MYO5B: variants seen among roughly 807,000 people sequenced by gnomAD.
MYO5B encodes unconventional myosin-Vb.
In MYO5B, 143 loss-of-function variants were observed where a neutral mutation model predicts 229.3. That is an observed-to-expected ratio of 0.62 (90% CI 0.54 to 0.72). MYO5B has a LOEUF of 0.72. Among genes scored for constraint, MYO5B ranks in the 30% least tolerant of loss-of-function variants. The pLI is 0.00. For missense variants in MYO5B, 2,321 were observed against 2,331.0 expected (o/e 1.00, Z 0.09); for synonymous variants, 918 against 885.2 (o/e 1.04, Z -0.66).
chr18:50,010,730 G>C (rs552183747), intron 4 of MYO5B, among the ~76,000 whole-genome samples: 24 of 152,292 alleles, frequency 1.6e-4, no homozygotes, highest in African/African-American at 5.3e-4. Flanking sequence ...CATTAGCTAG[G>C]GGTGAACTAT....
rs527834992 is a variant in MYO5B at position 49,875,643 on chromosome 18, C to G, written c.3537+44G>C. The G allele has an allele frequency of 6.8e-6, 11 of 1,613,182 alleles. No individual in the cohort carries two copies. In the South Asian group the frequency reaches 1.1e-4, roughly 16 times the overall value. On this transcript the variant is annotated intron_variant, in intron 26 of 39. Coordinates refer to ENST00000285039, the MANE Select transcript of MYO5B (RefSeq NM_001080467.3). ...CCCTGGACACAAGAGCTAGATTGTTCTCTCATCCAAGCACCATAAGAGCAC... is the reference window on the plus strand; with the variant it reads ...CCCTGGACACAAGAGCTAGATTGTTGTCTCATCCAAGCACCATAAGAGCAC...
Position 49,901,658 on chromosome 18 carries a change from A to G in MYO5B, c.2811+936T>C, listed in dbSNP as rs1021366008. On this transcript the variant is annotated intron_variant, in intron 21 of 39. Transcript: ENST00000285039. ...AGTCACATCAGCCACTCAACTTTTA[A>G]GCAGAAGAACTGAATTCTGATTTCC... Among the ~76,000 whole-genome samples, 3 of 152,252 alleles carry G rather than the reference A, an allele frequency of 2.0e-5. No individual in the cohort carries two copies. In the South Asian group the frequency reaches 6.2e-4, roughly 32 times the overall value.
chr18:50,181,691 G>T (rs962888778), intron 1 of MYO5B, among the ~76,000 whole-genome samples: 1 of 152,170 alleles, frequency 6.6e-6, no homozygotes, highest in Non-Finnish European at 1.5e-5. Context: ...GACGGTGCAG[G>T]ATGTAGCATG....
chr18:50,031,157 A>C (rs1034400749), intron 4 of MYO5B, among the ~76,000 whole-genome samples: 25 of 152,148 alleles, frequency 1.6e-4, no homozygotes, highest in Non-Finnish European at 2.5e-4. Flanking sequence ...GCTCTGGGGC[A>C]AACAGATTGG....
At chr18:49,958,323 A>G (rs1027234386) in intron 12 of MYO5B, among the ~76,000 whole-genome samples, 2 of 152,216 alleles carry the variant, frequency 1.3e-5, no homozygotes, top group African/African-American at 4.8e-5. Context: ...CTTTAACCAC[A>G]GCCAAACAAT....
Position 50,055,337 on chromosome 18 carries a change from G to A in MYO5B, c.69C>T (p.Arg23=), listed in dbSNP as rs746872958. 1 of 1,612,918 alleles carries A rather than the reference G, an allele frequency of 6.2e-7. No individual in the cohort carries two copies. Among genetic ancestry groups the A allele is most frequent in the East Asian group, 2.2e-5 (1 of 44,818 alleles). Residue 23 remains arginine, a synonymous_variant, in exon 2 of 40, where the codon CGC becomes CGT. Transcript: ENST00000285039. ...TGTAGTCCTTGGTTAACTCAGCTGA[G>A]CGCCATACCTCATCAGGGTCAGGGA... ...VWIPDPDEVW[R]SAELTKDYKE...
chr18:49,926,717 C>T (rs985904208), intron 17 of MYO5B, among the ~76,000 whole-genome samples: 11 of 152,198 alleles, frequency 7.2e-5, no homozygotes, highest in African/African-American at 2.7e-4. Context: ...TATTTTTTAA[C>T]TCAAAGAAAC....
chr18:50,174,737 T>C (rs193089375), intron 1 of MYO5B, among the ~76,000 whole-genome samples: 30 of 152,316 alleles, frequency 2.0e-4, no homozygotes, highest in Admixed American at 1.6e-3. Context: ...GGTGTGGTAA[T>C]ATACAGGTAC....
Position 50,160,973 on chromosome 18 carries a change from C to T in MYO5B, c.27+33794G>A, listed in dbSNP as rs139362200. Among the ~76,000 whole-genome samples the T allele has an allele frequency of 2.7e-3, 411 of 152,258 alleles. 4 individuals carry two copies. Among genetic ancestry groups the T allele is most frequent in the Non-Finnish European group, 2.2e-3 (152 of 68,014 alleles). ...TCTCCCACGTTAATTTCCCAACTCC[C>T]GCCCTGTCCTGGGCTCTCAAGGCCA... On this transcript the variant is annotated intron_variant, in intron 1 of 39. Transcript: ENST00000285039.
chr18:49,971,142 T>C (rs1278997371), intron 10 of MYO5B, among the ~76,000 whole-genome samples: 2 of 152,186 alleles, frequency 1.3e-5, no homozygotes, highest in Non-Finnish European at 2.9e-5. Flanking sequence ...AAACAACGCT[T>C]GGGTTTTCTT....
rs2024146978 is a variant in MYO5B at position 49,847,618 on chromosome 18, G to A, written c.4316-329C>T. On this transcript the variant is annotated intron_variant, in intron 32 of 39. Coordinates refer to ENST00000285039, the MANE Select transcript of MYO5B (RefSeq NM_001080467.3). ...CAGAGAAAACTTGTGAAGGATGACA[G>A]CCAGCATGGTCTCTCACCGCTCCTG... Among the ~76,000 whole-genome samples, 3 of 152,372 alleles carry A rather than the reference G, an allele frequency of 2.0e-5. No homozygotes were observed. The South Asian group carries it at 6.2e-4, about 32-fold the overall frequency.
At position 50,167,684 on chromosome 18, in the gene MYO5B, C is replaced by A. The variant is rs551368600; in HGVS notation, c.27+27083G>T. On this transcript the variant is annotated intron_variant, in intron 1 of 39. Coordinates refer to ENST00000285039, the MANE Select transcript of MYO5B (RefSeq NM_001080467.3). ...ATCTGGTTTAAGGCCCATCTCCCTCCAAGAAGCCCTCTCCCCCTGCTTCCA... is the reference window on the plus strand; with the variant it reads ...ATCTGGTTTAAGGCCCATCTCCCTCAAAGAAGCCCTCTCCCCCTGCTTCCA... Among the ~76,000 whole-genome samples, 4 of 152,330 alleles carry A rather than the reference C, an allele frequency of 2.6e-5. No homozygotes were observed. The South Asian group carries it at 8.3e-4, about 32-fold the overall frequency.
chr18:49,953,370 C>A (rs2025450473), intron 13 of MYO5B, 27 bp from the exon 14 acceptor site: 1 of 1,603,190 alleles, frequency 6.2e-7, no homozygotes, highest in Non-Finnish European at 8.5e-7. Context: ...CAGAGAGAGA[C>A]ACAGTCGTTA....
chr18:50,156,563 C>A lies in MYO5B; in HGVS notation c.27+38204G>T, dbSNP rs186916908. 3.8e-4 allele frequency among the ~76,000 whole-genome samples: 58 copies of A among 152,300 alleles called. No individual in the cohort carries two copies. The East Asian group carries it at 0.011, about 28-fold the overall frequency. On this transcript the variant is annotated intron_variant, in intron 1 of 39. Coordinates refer to ENST00000285039, the MANE Select transcript of MYO5B (RefSeq NM_001080467.3). ...ATTTCCTGAGGCCTCCCCAGCCATG[C>A]TGAACTGTGAGTCAATTAAAAAACC...
chr18:49,932,833 A>G (rs1315468674), intron 16 of MYO5B, among the ~76,000 whole-genome samples: 1 of 152,094 alleles, frequency 6.6e-6, no homozygotes, highest in Non-Finnish European at 1.5e-5. Context: ...AGTAAAGAAA[A>G]CCCACCGTCA....
intron 10 of MYO5B, 50 bp from the exon 11 acceptor site, chr18:49,963,080 T>C: frequency 6.8e-7 from 1 of 1,466,324 alleles, no homozygotes; most frequent in Non-Finnish European, 9.6e-7. Context: ...AACAAAGGAA[T>C]CACTGGGACT....
At chr18:50,032,232 T>C (rs1349508779) in intron 4 of MYO5B, among the ~76,000 whole-genome samples, 3 of 152,206 alleles carry the variant, frequency 2.0e-5, no homozygotes, top group Non-Finnish European at 4.4e-5. Flanking sequence ...AATTCACTCA[T>C]TTACTGTGTA....
chr18:49,975,364 G>T (rs1012847225), intron 9 of MYO5B, among the ~76,000 whole-genome samples: 24 of 152,198 alleles, frequency 1.6e-4, no homozygotes, highest in Admixed American at 9.8e-4. Context: ...TCACCTTGAA[G>T]AGTTTCTGAA....
rs993793 is a variant in MYO5B, at chr18:50,142,091, C to T, written c.27+52676G>A. On this transcript the variant is annotated intron_variant, in intron 1 of 39. Transcript: ENST00000285039. ...GAAGCTAACCTAGAAGCCCACCAAT[C>T]TAATGCATCTGTCAGGATCAACTGG... Among the ~76,000 whole-genome samples, 3 of 152,338 alleles carry T rather than the reference C, an allele frequency of 2.0e-5. No homozygotes were observed. The South Asian group carries it at 6.2e-4, about 32-fold the overall frequency.
Sources: allele counts gnomAD v4.1 joint callset (sites outside exome capture counted in the v4.1 genomes callset), GRCh38; gene constraint gnomAD v4.1.1; transcripts MANE v1.5; gene names NCBI Gene and HGNC (gene_info 2026-07-23, HGNC 2026-07-21).